TBC1D14: variants seen among roughly 807,000 people sequenced by gnomAD.
The protein encoded by TBC1D14 is TBC1 domain family member 14.
In TBC1D14, 26 loss-of-function variants were observed where a neutral mutation model predicts 79.0. The ratio of observed to expected loss-of-function variants is 0.33; its 90% confidence interval spans 0.24 to 0.46. The LOEUF is 0.46. TBC1D14 is among the 20% of genes least tolerant of loss of function. The pLI, the probability that TBC1D14 is intolerant of heterozygous loss-of-function variation, is 1.00. For missense variants in TBC1D14, 769 were observed against 887.6 expected (o/e 0.87, Z 1.70); for synonymous variants, 394 against 349.9 (o/e 1.13, Z -1.40).
intron 1 of TBC1D14, among the ~76,000 whole-genome samples, chr4:6,915,451 G>A (rs879485024): frequency 2.6e-5 from 4 of 152,174 alleles, no homozygotes; most frequent in African/African-American, 2.4e-5. Flanking sequence ...GGTGAGCAGA[G>A]GTGCTTATGT....
chr4:6,988,559 T>C (rs1404792915), intron 3 of TBC1D14, among the ~76,000 whole-genome samples: 1 of 152,244 alleles, frequency 6.6e-6, no homozygotes, highest in East Asian at 1.9e-4. Context: ...TTTTGATAGG[T>C]ACCACTCGGA....
intron 10 of TBC1D14, among the ~76,000 whole-genome samples, chr4:7,010,283 G>A (rs1720618999): frequency 6.6e-6 from 1 of 152,252 alleles, no homozygotes; most frequent in African/African-American, 2.4e-5. Flanking sequence ...TGGCTTCGCG[G>A]ATGTGTGTGC....
intron 1 of TBC1D14, among the ~76,000 whole-genome samples, chr4:6,914,061 G>T (rs1164660396): frequency 6.6e-6 from 1 of 151,594 alleles, no homozygotes; most frequent in African/African-American, 2.4e-5. Context: ...GCTCACTTGA[G>T]CCTGGGAGGT....
intron 6 of TBC1D14, among the ~76,000 whole-genome samples, 190 bp downstream of exon 6, chr4:6,999,392 C>T (rs897028573): frequency 6.6e-6 from 1 of 152,088 alleles, no homozygotes; most frequent in Non-Finnish European, 1.5e-5. Context: ...AGCCCCTTCC[C>T]CTCCCTTCCA....
At chr4:6,979,133 A>G (rs989515157) in intron 3 of TBC1D14, among the ~76,000 whole-genome samples, 2 of 152,216 alleles carry the variant, frequency 1.3e-5, no homozygotes, top group African/African-American at 2.4e-5. Flanking sequence ...AACATAATAG[A>G]GAAATCAAAA....
At chr4:6,913,855 G>C (rs934033583) in intron 1 of TBC1D14, among the ~76,000 whole-genome samples, 1 of 152,104 alleles carries the variant, frequency 6.6e-6, no homozygotes, top group African/African-American at 2.4e-5. Flanking sequence ...CTGGCCAGGC[G>C]CTGTGGCTCA....
intron 12 of TBC1D14, among the ~76,000 whole-genome samples, chr4:7,022,807 A>T (rs2109307324): frequency 6.6e-6 from 1 of 152,006 alleles, no homozygotes; most frequent in African/African-American, 2.4e-5. Context: ...TCACACATAA[A>T]TCTCAGCTTA....
At chr4:6,953,466 A>AAC (rs1174098611) in intron 2 of TBC1D14, among the ~76,000 whole-genome samples, 2 of 143,152 alleles carry the variant, frequency 1.4e-5, no homozygotes, top group Non-Finnish European at 3.1e-5. Flanking sequence ...CTAAAAAAAA[A>AAC]AAAAAATACA....
intron 2 of TBC1D14, among the ~76,000 whole-genome samples, chr4:6,962,326 G>A (rs113834734): frequency 0.01 from 1,553 of 152,220 alleles, 26 homozygotes; most frequent in African/African-American, 0.036. Context: ...GCGACGGTGC[G>A]GGTGGCACTG....
chr4:6,917,905 G>A (rs1223577007), intron 1 of TBC1D14, among the ~76,000 whole-genome samples: 12 of 152,152 alleles, frequency 7.9e-5, no homozygotes, highest in African/African-American at 2.2e-4. Flanking sequence ...AGGACAGGTC[G>A]CCTTGGCCCT....
At chr4:7,011,229 G>T (rs774412383) in intron 11 of TBC1D14, among the ~76,000 whole-genome samples, 1 of 152,016 alleles carries the variant, frequency 6.6e-6, no homozygotes, top group Admixed American at 6.6e-5. Flanking sequence ...AAGGAGACAC[G>T]CTGGAGACCA....
At chr4:7,013,959 G>A (rs945422442) in intron 11 of TBC1D14, among the ~76,000 whole-genome samples, 4 of 152,106 alleles carry the variant, frequency 2.6e-5, no homozygotes, top group African/African-American at 9.7e-5. Context: ...CCGTGTTAGC[G>A]AGGATGGTCT....
At chr4:7,006,550 T>C (rs1720214478) in intron 8 of TBC1D14, 82 bp from the exon 9 acceptor site, 2 of 1,315,300 alleles carry the variant, frequency 1.5e-6, no homozygotes, top group Non-Finnish European at 2.1e-6. Context: ...CCGTGTTTTG[T>C]TCTTGTAAAA....
intron 7 of TBC1D14, among the ~76,000 whole-genome samples, chr4:7,002,874 A>G (rs1719811493): frequency 6.6e-6 from 1 of 152,222 alleles, no homozygotes; most frequent in Admixed American, 6.5e-5. Context: ...TAATATTGAC[A>G]GTGCGACCTT....
chr4:7,023,261 AAAAAC>A (rs1008756601), intron 12 of TBC1D14, among the ~76,000 whole-genome samples: 10 of 152,330 alleles, frequency 6.6e-5, no homozygotes, highest in South Asian at 2.1e-4. Context: ...GTCTCAAGAA[AAAAAC>A]AAAACAAAAC....
chr4:7,030,885 C>T lies in TBC1D14; in HGVS notation c.*493C>T, dbSNP rs947069938. The T allele has an allele frequency of 6.4e-6, 1 of 155,656 alleles. No homozygotes were observed. The highest frequency in any genetic ancestry group is 1.4e-5 in the Non-Finnish European group (1 of 70,080). 9.6% of individuals were successfully genotyped at this position (155,656 alleles called of 1,614,324 possible). On this transcript the variant is annotated 3_prime_UTR_variant, in exon 14 of 14. Coordinates refer to ENST00000409757, the MANE Select transcript of TBC1D14 (RefSeq NM_020773.3). ...CTGGAGGTCACGTTTCTAAAACTCA[C>T]CTACGAAAGATAGCATTAAAGGAAC...
intron 4 of TBC1D14, 110 bp from the exon 5 acceptor site, chr4:6,996,215 G>GT (rs2109168881): frequency 1.2e-6 from 1 of 813,066 alleles, no homozygotes; most frequent in African/African-American, 1.7e-5. Context: ...AAAAAAATGA[G>GT]TTTTTAGTGT....
At chr4:6,950,171 C>T (rs1713900344) in intron 2 of TBC1D14, among the ~76,000 whole-genome samples, 1 of 152,228 alleles carries the variant, frequency 6.6e-6, no homozygotes, top group Non-Finnish European at 1.5e-5. Context: ...GTTTGGTTTT[C>T]TGTTCCCGTG....
At chr4:6,966,526 C>T (rs1453153584) in intron 2 of TBC1D14, among the ~76,000 whole-genome samples, 1 of 152,208 alleles carries the variant, frequency 6.6e-6, no homozygotes, top group East Asian at 1.9e-4. Flanking sequence ...GGGTTACGTA[C>T]TAAAGCAGCT....
Sources: gnomAD v4.1 joint callset for allele counts (sites outside exome capture counted in the v4.1 genomes callset) on GRCh38, gnomAD v4.1.1 for gene constraint, MANE v1.5 for transcripts, NCBI Gene and HGNC (gene_info 2026-07-23, HGNC 2026-07-21) for gene names.